The following LRRC4C variants were observed in gnomAD, a reference collection of about 807,000 sequenced individuals.
LRRC4C encodes leucine-rich repeat-containing protein 4C.
LRRC4C carries 5 observed loss-of-function variants against 33.6 expected under a neutral mutation model. That is an observed-to-expected ratio of 0.15 (90% CI 0.08 to 0.31). LRRC4C has a LOEUF of 0.31. LRRC4C is among the 10% of genes least tolerant of loss of function. The pLI is 1.00. For synonymous variants in LRRC4C, 329 were observed against 302.0 expected (o/e 1.09, Z -0.93); for missense variants, 560 against 796.7 (o/e 0.70, Z 3.58).
chr11:40,645,141 T>C (rs139004616), intron 3 of LRRC4C, among the ~76,000 whole-genome samples: 1 of 152,308 alleles, frequency 6.6e-6, no homozygotes, highest in Non-Finnish European at 1.5e-5. Flanking sequence ...CCATGTTTTC[T>C]ATAGAATTCT....
chr11:40,168,982 GT>G (rs577277286), intron 5 of LRRC4C, among the ~76,000 whole-genome samples: 9 of 151,154 alleles, frequency 6.0e-5, no homozygotes, highest in Middle Eastern at 3.4e-3. Context: ...CTTTACTTTA[GT>G]TTTTTTTTCC....
At chr11:40,861,472 C>T (rs978608860) in intron 2 of LRRC4C, among the ~76,000 whole-genome samples, 12 of 152,116 alleles carry the variant, frequency 7.9e-5, no homozygotes, top group Admixed American at 7.9e-4. Context: ...TTACCAAAAA[C>T]TTGCATTATG....
chr11:41,314,803 A>T (rs1429385439), intron 1 of LRRC4C, among the ~76,000 whole-genome samples: 1 of 152,128 alleles, frequency 6.6e-6, no homozygotes, highest in Non-Finnish European at 1.5e-5. Context: ...ATAATAATAA[A>T]AAAAAAACTA....
chr11:40,918,992 C>A (rs191815275), intron 2 of LRRC4C, among the ~76,000 whole-genome samples: 117 of 152,236 alleles, frequency 7.7e-4, no homozygotes, highest in Non-Finnish European at 8.8e-5. Context: ...GTGTCCACTA[C>A]AAACCATGTC....
intron 2 of LRRC4C, among the ~76,000 whole-genome samples, chr11:40,928,802 G>A (rs1957495503): frequency 6.6e-6 from 1 of 151,820 alleles, no homozygotes; most frequent in Admixed American, 6.6e-5. Context: ...AGAAAATTGG[G>A]GTAAGTTAAC....
intron 3 of LRRC4C, among the ~76,000 whole-genome samples, chr11:40,482,764 C>A (rs1953652535): frequency 6.6e-6 from 1 of 152,082 alleles, no homozygotes; most frequent in African/African-American, 2.4e-5. Context: ...AGCCACTGCA[C>A]CTGCCTGGTC....
At chr11:41,326,911 T>C (rs1282825119) in intron 1 of LRRC4C, among the ~76,000 whole-genome samples, 1 of 152,232 alleles carries the variant, frequency 6.6e-6, no homozygotes, top group Non-Finnish European at 1.5e-5. Context: ...TAGAAATCTC[T>C]TATATATCAT....
At chr11:40,506,039 T>TA (rs1482292051) in intron 3 of LRRC4C, among the ~76,000 whole-genome samples, 1 of 152,170 alleles carries the variant, frequency 6.6e-6, no homozygotes, top group African/African-American at 2.4e-5. Flanking sequence ...ACTACAGACT[T>TA]ACAGTGAACT....
intron 2 of LRRC4C, among the ~76,000 whole-genome samples, chr11:40,821,992 T>G (rs1951948544): frequency 1.3e-5 from 2 of 151,794 alleles, no homozygotes; most frequent in South Asian, 4.1e-4. Context: ...CCTTAAACAT[T>G]TATTATTTCT....
At chr11:40,621,184 A>G (rs1385817850) in intron 3 of LRRC4C, among the ~76,000 whole-genome samples, 1 of 151,754 alleles carries the variant, frequency 6.6e-6, no homozygotes, top group Non-Finnish European at 1.5e-5. Flanking sequence ...AAATCAGTGC[A>G]CCAAGAGTGA....
intron 5 of LRRC4C, among the ~76,000 whole-genome samples, chr11:40,205,312 T>C (rs1392397810): frequency 2.0e-5 from 3 of 152,172 alleles, no homozygotes; most frequent in Non-Finnish European, 4.4e-5. Flanking sequence ...GAATTACAAA[T>C]GCATTCAGCT....
intron 2 of LRRC4C, among the ~76,000 whole-genome samples, chr11:40,839,702 G>A (rs932015794): frequency 6.6e-6 from 1 of 152,168 alleles, no homozygotes; most frequent in Non-Finnish European, 1.5e-5. Flanking sequence ...CAGATGGAAA[G>A]GATCCTTGTG....
intron 1 of LRRC4C, among the ~76,000 whole-genome samples, chr11:40,990,568 C>T (rs1200963569): frequency 6.6e-6 from 1 of 151,920 alleles, no homozygotes; most frequent in African/African-American, 2.4e-5. Flanking sequence ...CCCCTAGATC[C>T]TCTTAGGGAT....
At chr11:40,327,758 A>C (rs1946168754) in intron 3 of LRRC4C, among the ~76,000 whole-genome samples, 1 of 152,058 alleles carries the variant, frequency 6.6e-6, no homozygotes, top group Non-Finnish European at 1.5e-5. Flanking sequence ...TCCAACAAAA[A>C]TATCTCAAGC....
chr11:41,301,883 C>A (rs1475304987), intron 1 of LRRC4C, among the ~76,000 whole-genome samples: 1 of 152,168 alleles, frequency 6.6e-6, no homozygotes, highest in Non-Finnish European at 1.5e-5. Context: ...TTGTTGATAT[C>A]TTGACACTGT....
intron 2 of LRRC4C, among the ~76,000 whole-genome samples, chr11:40,880,943 A>C (rs1156291616): frequency 6.6e-6 from 1 of 151,564 alleles, no homozygotes; most frequent in African/African-American, 2.4e-5. Flanking sequence ...ACATGTTGTA[A>C]GGAAAAGAAT....
chr11:40,717,192 A>G (rs1946771024), intron 2 of LRRC4C, among the ~76,000 whole-genome samples: 1 of 151,944 alleles, frequency 6.6e-6, no homozygotes, highest in Non-Finnish European at 1.5e-5. Context: ...GTCTTTCTGA[A>G]TGGTTTACTA....
chr11:40,453,255 G>T (rs1310794687), intron 3 of LRRC4C, among the ~76,000 whole-genome samples: 1 of 152,022 alleles, frequency 6.6e-6, no homozygotes, highest in Non-Finnish European at 1.5e-5. Flanking sequence ...TAACTTTTCT[G>T]AGTTTCATTT....
In LRRC4C at chr11:41,454,720, A is replaced by G. The variant is rs543901978; in HGVS notation, c.-496+4711T>C. Among the ~76,000 whole-genome samples, 860 of 152,304 alleles carry G rather than the reference A, an allele frequency of 5.6e-3. 11 individuals carry two copies. Among genetic ancestry groups the G allele is most frequent in the African/African-American group, 0.02 (831 of 41,572 alleles). On this transcript the variant is annotated intron_variant, in intron 1 of 6. Coordinates refer to ENST00000528697, the MANE Select transcript of LRRC4C (RefSeq NM_001258419.2). ...AAAGGGTCTGATGAAGCCATGGTAC[A>G]TGAAATGAGCTAATTTACAGAAATA... is the stretch of plus-strand genomic sequence containing the variant.
Sources: gnomAD v4.1 joint callset for allele counts (sites outside exome capture counted in the v4.1 genomes callset) on GRCh38, gnomAD v4.1.1 for gene constraint, MANE v1.5 for transcripts, NCBI Gene and HGNC (gene_info 2026-07-23, HGNC 2026-07-21) for gene names.